Variants in SLAMF7 observed in about 807,000 individuals in gnomAD.
SLAMF7 encodes 19A24 protein.
Under a neutral mutation model 34.1 loss-of-function variants are expected in SLAMF7, and 26 were observed. The ratio of observed to expected loss-of-function variants is 0.76; its 90% confidence interval spans 0.56 to 1.06. SLAMF7 has a LOEUF of 1.06. Among genes scored for constraint, SLAMF7 ranks in the 50% least tolerant of loss-of-function variants. The probability of loss-of-function intolerance (pLI) is 0.00; values close to 1 mark genes in which losing one functional copy is unlikely to be tolerated. For synonymous variants in SLAMF7, 171 were observed against 156.4 expected, an observed-to-expected ratio of 1.09 and a Z score of -0.70; for missense variants, 399 against 402.5, an observed-to-expected ratio of 0.99 and a Z score of 0.07.
intron 4 of SLAMF7, 22 bp downstream of exon 4, chr1:160,750,445 T>C (rs773972055): frequency 6.2e-7 from 1 of 1,609,738 alleles, no homozygotes; most frequent in Non-Finnish European, 8.5e-7. Flanking sequence ...ACTATTTTTG[T>C]CCTCACCCAC....
chr1:160,744,082 T>A (rs1375373006), intron 1 of SLAMF7, among the ~76,000 whole-genome samples: 1 of 152,204 alleles, frequency 6.6e-6, no homozygotes, highest in African/African-American at 2.4e-5. Flanking sequence ...TCCCCAGTTA[T>A]ACCCTCAGCT....
intron 1 of SLAMF7, among the ~76,000 whole-genome samples, chr1:160,741,643 G>C (rs533239549): frequency 6.6e-6 from 1 of 152,002 alleles, no homozygotes; most frequent in South Asian, 2.1e-4. Context: ...CCAATGTATA[G>C]AGTTGAAGCC....
rs1013848711 is a variant in SLAMF7, at chr1:160,752,112, T to C, written c.874-74T>C. 4.1e-6 allele frequency: 5 copies of C among 1,219,226 alleles called. No individual in the cohort carries two copies. The African/African-American group carries it at 4.5e-5, about 11-fold the overall frequency. The allele number at this position is 1,219,226 out of a possible 1,614,324, so 75.5% of individuals were successfully genotyped here. ...TGCTTTCCCCTCTCTGGATTCTGAATGTCTCTCTGGCCTTGTCTATGTGAT... is the reference window on the plus strand; with the variant it reads ...TGCTTTCCCCTCTCTGGATTCTGAACGTCTCTCTGGCCTTGTCTATGTGAT... On this transcript the variant is annotated intron_variant, in intron 5 of 6. Coordinates refer to ENST00000368043, the MANE Select transcript of SLAMF7 (RefSeq NM_021181.5).
chr1:160,752,802 T>C (rs572372292), intron 6 of SLAMF7, among the ~76,000 whole-genome samples: 1 of 152,204 alleles, frequency 6.6e-6, no homozygotes, highest in East Asian at 1.9e-4. Context: ...CCCAAACAGA[T>C]CCAAAAAGAT....
In SLAMF7 at chr1:160,751,352, T is replaced by G. The variant is rs762415858; in HGVS notation, c.777T>G (p.Ile259Met). The change falls in exon 5 of 7, where the codon ATT becomes ATG. Residue 259 changes from isoleucine to methionine, a missense_variant. Transcript: ENST00000368043. ...CTCCCAACTTGCTTTTAGAGTACAT[T>G]GAAGAGAAGAAGAGAGTGGACATTT... ...FLKRERQEEY[I>M]EEKKRVDICR... 5 of 1,613,104 alleles carry G rather than the reference T, an allele frequency of 3.1e-6. No individual in the cohort carries two copies.
intron 5 of SLAMF7, 79 bp downstream of exon 5, chr1:160,751,527 C>A: frequency 8.6e-7 from 1 of 1,160,570 alleles, no homozygotes. Context: ...TGGGTTTGGA[C>A]AACATGGGAA....
intron 4 of SLAMF7, 105 bp from the exon 5 acceptor site, chr1:160,751,240 G>T (rs191955129): frequency 5.1e-6 from 4 of 782,260 alleles, no homozygotes; most frequent in Non-Finnish European, 8.9e-6. Context: ...AAGGAAACTC[G>T]GCTGGTTGGT....
At chr1:160,744,663 G>A (rs530399327) in intron 1 of SLAMF7, among the ~76,000 whole-genome samples, 22 of 152,252 alleles carry the variant, frequency 1.4e-4, no homozygotes, top group African/African-American at 4.6e-4. Context: ...TTGTAGTTTT[G>A]CCACTTCCTC....
chr1:160,749,399 A>G (rs1306231787), intron 2 of SLAMF7, among the ~76,000 whole-genome samples: 1 of 152,220 alleles, frequency 6.6e-6, no homozygotes, highest in Admixed American at 6.5e-5. Context: ...GAAGGGGGCC[A>G]GAAGGGCTAC....
At chr1:160,748,961 A>C (rs1664344545) in intron 2 of SLAMF7, among the ~76,000 whole-genome samples, 1 of 152,364 alleles carries the variant, frequency 6.6e-6, no homozygotes, top group East Asian at 1.9e-4. Flanking sequence ...AAATATCAGC[A>C]TATTTCTGGT....
At position 160,748,499 on chromosome 1, in the gene SLAMF7, G is replaced by C. The variant is rs111928072; in HGVS notation, c.361G>C (p.Val121Leu). The C allele has an allele frequency of 2.5e-6, 4 of 1,612,580 alleles. No individual in the cohort carries two copies. The highest frequency in any genetic ancestry group is 3.4e-6 in the Non-Finnish European group (4 of 1,178,984). The change falls in exon 2 of 7, where the codon GTG (valine) becomes CTG (leucine). Residue 121 changes from valine (V) to leucine (L), a missense_variant. Transcript: ENST00000368043. ...SLQQPSTQEY[V>L]LHVYEHLSKP... ...CCAGCAGCCCTCCACCCAGGAGTAC[G>C]TGCTGCATGTCTACGGTGAGCAAAA...
chr1:160,739,602 G>C, intron 1 of SLAMF7: 1 of 419,100 alleles, frequency 2.4e-6, no homozygotes, highest in Non-Finnish European at 4.3e-6. Context: ...TGAAAGAAGT[G>C]GTGCTGGGTA....
At chr1:160,744,186 G>A (rs1276516300) in intron 1 of SLAMF7, among the ~76,000 whole-genome samples, 1 of 152,052 alleles carries the variant, frequency 6.6e-6, no homozygotes, top group South Asian at 2.1e-4. Flanking sequence ...AACTCTATAG[G>A]GTCACACACT....
chr1:160,745,701 C>A lies in SLAMF7; in HGVS notation c.56-2493C>A, dbSNP rs574302304. Among the ~76,000 whole-genome samples, 7 of 152,252 alleles carry A rather than the reference C, an allele frequency of 4.6e-5. No homozygotes were observed. In the East Asian group the frequency reaches 1.3e-3, roughly 29 times the overall value. On this transcript the variant is annotated intron_variant, in intron 1 of 6. Coordinates refer to ENST00000368043, the MANE Select transcript of SLAMF7 (RefSeq NM_021181.5). ...ATAGACAATATGTAAATGAAAGAGC[C>A]TGGCTGTGTTCCAGTACAATTGTAT...
Position 160,753,132 on chromosome 1 carries a change from G to T in SLAMF7, c.963G>T (p.Thr321=). The T allele has an allele frequency of 6.2e-7, 1 of 1,613,288 alleles. No individual in the cohort carries two copies. The highest frequency in any genetic ancestry group is 8.5e-7 in the Non-Finnish European group (1 of 1,179,902). ...KKMENPHSLL[T]MPDTPRLFAY... ...TGGAAAATCCCCACTCACTGCTCAC[G>T]ATGCCAGACACACCAAGGCTATTTG... is the stretch of plus-strand genomic sequence containing the variant. The change falls in exon 7 of 7, where the codon ACG becomes ACT. Residue 321 remains threonine (T), a synonymous_variant. Transcript: ENST00000368043.
At chr1:160,751,239 C>G in intron 4 of SLAMF7, 106 bp from the exon 5 acceptor site, 2 of 777,160 alleles carry the variant, frequency 2.6e-6, no homozygotes. Flanking sequence ...CAAGGAAACT[C>G]GGCTGGTTGG....
intron 1 of SLAMF7, among the ~76,000 whole-genome samples, chr1:160,746,646 C>T (rs1390442834): frequency 6.6e-6 from 1 of 152,098 alleles, no homozygotes; most frequent in African/African-American, 2.4e-5. Flanking sequence ...TAATTGATTG[C>T]AAAAGAATAA....
intron 2 of SLAMF7, among the ~76,000 whole-genome samples, chr1:160,748,724 G>A (rs1664325433): frequency 6.6e-6 from 1 of 152,222 alleles, no homozygotes; most frequent in Admixed American, 6.5e-5. Context: ...GTGGATGGCT[G>A]ATATGTGCAG....
At position 160,749,949 on chromosome 1, in the gene SLAMF7, C is replaced by A; in HGVS notation, c.505C>A (p.Gln169Lys). The part of the protein sequence containing the change: ...DVIYTWKALG[Q>K]AANESHNGSI... The stretch of plus-strand genomic sequence containing the variant: ...GATTTATACCTGGAAGGCCCTGGGG[C>A]AAGCAGCCAATGAGTCCCATAATGG... Residue 169 changes from glutamine to lysine, a missense_variant, in exon 3 of 7, where the codon CAA (glutamine) becomes AAA (lysine). Coordinates refer to ENST00000368043, the MANE Select transcript of SLAMF7 (RefSeq NM_021181.5). The A allele has an allele frequency of 1.2e-6, 2 of 1,614,160 alleles. No individual in the cohort carries two copies. Among genetic ancestry groups the A allele is most frequent in the African/African-American group, 1.3e-5 (1 of 75,058 alleles).
Sources: allele counts gnomAD v4.1 joint callset (sites outside exome capture counted in the v4.1 genomes callset), GRCh38; gene constraint gnomAD v4.1.1; transcripts MANE v1.5; gene names NCBI Gene and HGNC (gene_info 2026-07-23, HGNC 2026-07-21).